Variants in ANKRD30B observed in about 807,000 individuals in gnomAD.
ANKRD30B encodes the protein ankyrin repeat domain 30B.
Under a neutral mutation model 202.2 loss-of-function variants are expected in ANKRD30B, and 144 were observed. The ratio of observed to expected loss-of-function variants is 0.71; its 90% CI spans 0.62 to 0.82. The LOEUF is 0.82. Ranked by LOEUF, ANKRD30B falls within the 40% of genes least tolerant of loss-of-function variation. The pLI, the probability that ANKRD30B is intolerant of heterozygous loss-of-function variation, is 0.00. For synonymous variants in ANKRD30B, 508 were observed against 561.3 expected (o/e 0.91, Z 1.34); for missense variants, 1,487 against 1,669.1 (o/e 0.89, Z 1.90).
the ANKRD30B span, among the ~76,000 whole-genome samples, chr18:14,893,798 A>T: frequency 2.0e-5 from 3 of 150,720 alleles, no homozygotes; most frequent in Non-Finnish European, 4.4e-5. Context: ...CAAATAGAAG[A>T]GGCTGTCTTT....
chr18:14,769,111 G>A (rs1916699265), intron 7 of ANKRD30B, among the ~76,000 whole-genome samples: 1 of 152,128 alleles, frequency 6.6e-6, no homozygotes, highest in African/African-American at 2.4e-5. Context: ...TTTTAAACAA[G>A]ATCTGGATCA....
At chr18:14,883,369 GTCTCTCTCTC>G in the ANKRD30B span, among the ~76,000 whole-genome samples, 21 of 84,626 alleles carry the variant, frequency 2.5e-4, no homozygotes, top group South Asian at 2.6e-3. Flanking sequence ...CTGTCTGTCT[GTCTCTCTCTC>G]TCTCTCTCTC....
At chr18:14,791,668 G>C (rs918813934) in intron 16 of ANKRD30B, among the ~76,000 whole-genome samples, 177 bp downstream of exon 16, 10 of 152,150 alleles carry the variant, frequency 6.6e-5, no homozygotes, top group African/African-American at 1.4e-4. Flanking sequence ...AGAGTATATT[G>C]AGAGTGCTGA....
chr18:14,765,401 T>A (rs1215406598), intron 7 of ANKRD30B, among the ~76,000 whole-genome samples: 1 of 150,438 alleles, frequency 6.6e-6, no homozygotes, highest in Non-Finnish European at 1.5e-5. Context: ...AGGCGGAGGC[T>A]ACAGTGAGCT....
At chr18:14,901,141 A>G in the ANKRD30B span, among the ~76,000 whole-genome samples, 1 of 152,216 alleles carries the variant, frequency 6.6e-6, no homozygotes, top group African/African-American at 2.4e-5. Flanking sequence ...TTTGTTAGCC[A>G]TAGAAATAAT....
At chr18:14,763,276 C>A (rs1159242080) in intron 6 of ANKRD30B, among the ~76,000 whole-genome samples, 1 of 152,108 alleles carries the variant, frequency 6.6e-6, no homozygotes, top group East Asian at 1.9e-4. Flanking sequence ...TGTCCAGGCA[C>A]AGTGGTTCAC....
chr18:14,878,947 TCTC>T, the ANKRD30B span, among the ~76,000 whole-genome samples: 1 of 152,118 alleles, frequency 6.6e-6, no homozygotes, highest in African/African-American at 2.4e-5. Context: ...GGAGCTGAGT[TCTC>T]CTCTGCACAG....
At chr18:14,932,220 C>T in the ANKRD30B span, among the ~76,000 whole-genome samples, 1 of 151,816 alleles carries the variant, frequency 6.6e-6, no homozygotes, top group Non-Finnish European at 1.5e-5. Context: ...TGGGGGGCTC[C>T]TGCCTGGCGT....
chr18:14,850,289 A>G lies in ANKRD30B; in HGVS notation c.3471A>G (p.Gln1157=), dbSNP rs778369329. The G allele has an allele frequency of 1.9e-6, 3 of 1,592,608 alleles. No individual in the cohort carries two copies. The highest frequency in any genetic ancestry group is 2.6e-6 in the Non-Finnish European group (3 of 1,170,702). ...ILKEKIRPEE[Q]LRKKLEVKQQ... ...AAGAAAAAATTAGACCCGAAGAGCA[A>G]CTTAGGAAAAAGTTAGAAGTGAAAC... Residue 1157 remains glutamine (Q), a synonymous_variant, in exon 41 of 44, where the codon CAA becomes CAG. Transcript: ENST00000690538.
the ANKRD30B span, among the ~76,000 whole-genome samples, chr18:14,893,081 C>G: frequency 6.6e-6 from 1 of 152,072 alleles, no homozygotes; most frequent in African/African-American, 2.4e-5. Flanking sequence ...TTAAAAAACA[C>G]CATTCACACT....
intron 30 of ANKRD30B, among the ~76,000 whole-genome samples, chr18:14,820,944 G>C (rs1270673952): frequency 6.6e-6 from 1 of 152,160 alleles, no homozygotes; most frequent in Non-Finnish European, 1.5e-5. Context: ...AATGGTACCA[G>C]TTCCTCCTTG....
rs1967058299 is a variant in ANKRD30B at position 14,772,344 on chromosome 18, TA to T, written c.1329+121del. On this transcript the variant is annotated intron_variant, in intron 9 of 43. Coordinates refer to ENST00000690538, the MANE Select transcript of ANKRD30B (RefSeq NM_001367607.2). ...TGTTGGTAATATAAAGTTGGTCAGA[TA>T]AAAACATTTTATAGAAATAGGAGTA... is the stretch of plus-strand genomic sequence containing the variant. 5 of 571,094 alleles carry T rather than the reference TA, an allele frequency of 8.8e-6. No individual in the cohort carries two copies. In the Admixed American group the frequency reaches 2.1e-4, roughly 24 times the overall value. 35.4% of individuals were successfully genotyped at this position (571,094 alleles called of 1,614,324 possible).
intron 7 of ANKRD30B, among the ~76,000 whole-genome samples, chr18:14,764,983 G>A (rs568535872): frequency 1.3e-5 from 2 of 152,142 alleles, no homozygotes; most frequent in Non-Finnish European, 2.9e-5. Flanking sequence ...AAATAAACTT[G>A]TGTTTCTGCA....
intron 14 of ANKRD30B, 121 bp downstream of exon 14, chr18:14,784,656 G>A (rs1967963109): frequency 1.9e-6 from 2 of 1,059,346 alleles, no homozygotes; most frequent in South Asian, 2.0e-5. Flanking sequence ...TCTAGATAAT[G>A]CCAATACTGG....
chr18:14,795,331 C>T lies in ANKRD30B; in HGVS notation c.1826-890C>T, dbSNP rs563379214. ...CACAGCTCCGGCTCCCAAGTAGCTG[C>T]GGTTACAGGCATGTGCCACCATACC... On this transcript the variant is annotated intron_variant, in intron 16 of 43. Coordinates refer to ENST00000690538, the MANE Select transcript of ANKRD30B (RefSeq NM_001367607.2). Among the ~76,000 whole-genome samples the T allele has an allele frequency of 2.5e-3, 378 of 152,270 alleles. 2 individuals are homozygous for T. The highest frequency in any genetic ancestry group is 6.8e-3 in the Middle Eastern group (2 of 294).
the ANKRD30B span, among the ~76,000 whole-genome samples, chr18:14,872,473 C>A: frequency 3.3e-5 from 5 of 152,280 alleles, no homozygotes; most frequent in Non-Finnish European, 5.9e-5. Context: ...TCAACTTATC[C>A]ATTTAACAAT....
chr18:14,832,808 A>C (rs1463144320), intron 34 of ANKRD30B, among the ~76,000 whole-genome samples: 1 of 152,254 alleles, frequency 6.6e-6, no homozygotes. Flanking sequence ...TGTCATAAAT[A>C]AGAAGACAAT....
intron 41 of ANKRD30B, among the ~76,000 whole-genome samples, chr18:14,850,732 C>T (rs906444997): frequency 3.3e-5 from 5 of 151,754 alleles, no homozygotes; most frequent in Admixed American, 6.6e-5. Flanking sequence ...AAGTTAGTGT[C>T]GTAGTAAATA....
At chr18:14,898,415 T>A in the ANKRD30B span, among the ~76,000 whole-genome samples, 1 of 152,006 alleles carries the variant, frequency 6.6e-6, no homozygotes, top group Non-Finnish European at 1.5e-5. Flanking sequence ...TTCACGCCCC[T>A]ATGAGATTCT....
Sources: allele counts gnomAD v4.1 joint callset (sites outside exome capture counted in the v4.1 genomes callset), GRCh38; gene constraint gnomAD v4.1.1; transcripts MANE v1.5; gene names NCBI Gene and HGNC (gene_info 2026-07-23, HGNC 2026-07-21).